CYP4Z1: variants seen among roughly 807,000 people sequenced by gnomAD.
The protein encoded by CYP4Z1 is cytochrome P450 family 4 subfamily Z member 1.
A neutral mutation model predicts 54.2 loss-of-function variants in CYP4Z1; 41 were observed. The observed-to-expected ratio is 0.76, with a 90% CI of 0.59 to 0.98. CYP4Z1 has a LOEUF of 0.98. CYP4Z1 is among the 50% of genes least tolerant of loss of function. CYP4Z1 has a pLI of 0.00. For missense variants in CYP4Z1, 513 were observed against 599.0 expected (o/e 0.86, Z 1.50); for synonymous variants, 163 against 206.2 (o/e 0.79, Z 1.79).
chr1:47,104,328 T>C (rs1220272305), intron 8 of CYP4Z1, among the ~76,000 whole-genome samples: 1 of 152,162 alleles, frequency 6.6e-6, no homozygotes, highest in Non-Finnish European at 1.5e-5. Context: ...AGTCTTCGGG[T>C]CCCAGCAGTG....
upstream of CYP4Z1, among the ~76,000 whole-genome samples, chr1:47,062,415 C>T (rs11579737): frequency 0.077 from 11,679 of 152,198 alleles, 541 homozygotes; most frequent in East Asian, 0.22. Context: ...CTTCCTTTCT[C>T]AATGAGGAGG....
At chr1:47,093,337 C>T (rs1644653241) in intron 6 of CYP4Z1, among the ~76,000 whole-genome samples, 1 of 151,868 alleles carries the variant, frequency 6.6e-6, no homozygotes, top group African/African-American at 2.4e-5. Context: ...CACCTATGGT[C>T]GAAGGCGTGG....
chr1:47,091,711 G>C (rs1002379797), intron 6 of CYP4Z1, among the ~76,000 whole-genome samples: 6 of 149,882 alleles, frequency 4.0e-5, no homozygotes, highest in African/African-American at 1.2e-4. Context: ...GCCACATCAT[G>C]TGGAGTGTAA....
At chr1:47,099,068 A>G (rs192287377) in intron 7 of CYP4Z1, 26 bp from the exon 8 acceptor site, 2 of 1,613,356 alleles carry the variant, frequency 1.2e-6, no homozygotes, top group Admixed American at 3.3e-5. Context: ...CCAGCTTTGG[A>G]TAAAGATCAT....
At chr1:47,066,051 CA>C (rs961245657), upstream of CYP4Z1, among the ~76,000 whole-genome samples, 69 of 149,832 alleles carry the variant, frequency 4.6e-4, no homozygotes, top group South Asian at 2.3e-3. Flanking sequence ...TTAATACCAA[CA>C]AAAAAAAAGT....
At chr1:47,068,000 A>C (rs1490110033) in intron 1 of CYP4Z1, among the ~76,000 whole-genome samples, 2 of 152,232 alleles carry the variant, frequency 1.3e-5, no homozygotes, top group East Asian at 3.8e-4. Context: ...GAAATAGACC[A>C]AGCCAATTGT....
At chr1:47,111,399 G>A (rs1337423352) in intron 9 of CYP4Z1, among the ~76,000 whole-genome samples, 1 of 152,092 alleles carries the variant, frequency 6.6e-6, no homozygotes, top group Non-Finnish European at 1.5e-5. Context: ...TAGCCACGAT[G>A]GTCTCAGTCT....
Position 47,084,662 on chromosome 1 carries a change from C to A in CYP4Z1, c.535C>A (p.Leu179Ile). The A allele has an allele frequency of 6.2e-7, 1 of 1,607,532 alleles. No individual in the cohort carries two copies. The highest frequency in any genetic ancestry group is 8.5e-7 in the Non-Finnish European group (1 of 1,177,470). Residue 179 changes from leucine to isoleucine, a missense_variant, in exon 5 of 12, where the codon CTC becomes ATC. By Grantham distance (5) the Leu-to-Ile change is conservative. Transcript: ENST00000334194. ...EHIAQNSRLE[L>I]FQHVSLMTLD... is the part of the protein sequence containing the mutation. ...CATTGCCCAAAACTCACGTCTGGAG[C>A]TCTTTCAACATGTCTCCCTGATGAC...
At chr1:47,057,480 T>A in the CYP4Z1 span, among the ~76,000 whole-genome samples, 1 of 48,466 alleles carries the variant, frequency 2.1e-5, no homozygotes. Flanking sequence ...ACTTGGTTAA[T>A]TTTTTTTTTT....
At chr1:47,100,885 C>T (rs534992032) in intron 8 of CYP4Z1, among the ~76,000 whole-genome samples, 44 of 152,278 alleles carry the variant, frequency 2.9e-4, no homozygotes, top group African/African-American at 9.6e-4. Context: ...ACCATCCAGT[C>T]CTGGAATTTT....
At chr1:47,104,213 A>G (rs1212012870) in intron 8 of CYP4Z1, among the ~76,000 whole-genome samples, 1 of 152,164 alleles carries the variant, frequency 6.6e-6, no homozygotes, top group Non-Finnish European at 1.5e-5. Flanking sequence ...GATTTCTTCA[A>G]CTATAAACAG....
At chr1:47,055,611 T>C in the CYP4Z1 span, among the ~76,000 whole-genome samples, 3 of 152,230 alleles carry the variant, frequency 2.0e-5, no homozygotes, top group Non-Finnish European at 4.4e-5. Context: ...GTTACTGGTC[T>C]ATTCAGAGAT....
chr1:47,065,247 T>C (rs1038416560), upstream of CYP4Z1, among the ~76,000 whole-genome samples: 1 of 152,110 alleles, frequency 6.6e-6, no homozygotes, highest in African/African-American at 2.4e-5. Flanking sequence ...CATCTGTACA[T>C]AGAACATTCT....
In CYP4Z1 at chr1:47,084,972, T is replaced by A. The variant is rs757912181; in HGVS notation, c.766T>A (p.Phe256Ile). 5.1e-6 allele frequency: 7 copies of A among 1,362,890 alleles called. No individual in the cohort carries two copies. The African/African-American group carries it at 1.0e-4, about 20-fold the overall frequency. 84.4% of individuals were successfully genotyped at this position (1,362,890 alleles called of 1,614,324 possible). A position where few individuals can be genotyped will look rare whatever the true frequency, so the allele number is the denominator to read the frequency against. ...FSKFNQELHQ[F>I]TEKVIQDRKE... ...TAAATTTAACCAAGAACTTCATCAG[T>A]TCACAGGTTAGTCCTGGGATTTACA... Residue 256 changes from phenylalanine (F) to isoleucine (I), a missense_variant, in exon 6 of 12, where the codon TTC becomes ATC. Coordinates refer to ENST00000334194, the MANE Select transcript of CYP4Z1 (RefSeq NM_178134.3).
intron 8 of CYP4Z1, among the ~76,000 whole-genome samples, chr1:47,099,697 A>T (rs1644706240): frequency 6.6e-6 from 1 of 151,828 alleles, no homozygotes; most frequent in Admixed American, 6.6e-5. Flanking sequence ...GAGAATTCAC[A>T]CCCCTCTTCC....
intron 2 of CYP4Z1, among the ~76,000 whole-genome samples, chr1:47,078,612 A>AT (rs1297740398): frequency 1.5e-5 from 2 of 132,028 alleles, no homozygotes; most frequent in Non-Finnish European, 3.2e-5. Flanking sequence ...ATGATTTGTA[A>AT]TTTTTTTGTT....
At chr1:47,108,078 T>G (rs2148540611) in intron 9 of CYP4Z1, among the ~76,000 whole-genome samples, 1 of 152,340 alleles carries the variant, frequency 6.6e-6, no homozygotes, top group Non-Finnish European at 1.5e-5. Flanking sequence ...GGACAGGAAG[T>G]GCACACGCAG....
intron 6 of CYP4Z1, 91 bp from the exon 7 acceptor site, chr1:47,094,475 G>C (rs74073742): frequency 1.1e-6 from 1 of 890,238 alleles, no homozygotes; most frequent in Non-Finnish European, 1.7e-6. Context: ...AGGGGCTACC[G>C]ATAAAGCACC....
intron 6 of CYP4Z1, among the ~76,000 whole-genome samples, chr1:47,085,185 T>A (rs1644583633): frequency 6.6e-6 from 1 of 152,254 alleles, no homozygotes; most frequent in African/African-American, 2.4e-5. Flanking sequence ...TATTTTAATG[T>A]TTGGTGTTAG....
Sources: allele counts gnomAD v4.1 joint callset (sites outside exome capture counted in the v4.1 genomes callset), GRCh38; gene constraint gnomAD v4.1.1; transcripts MANE v1.5; gene names NCBI Gene and HGNC (gene_info 2026-07-23, HGNC 2026-07-21).